NUP155: variants seen among roughly 807,000 people sequenced by gnomAD.
The protein encoded by NUP155 is nucleoporin 155, also known as nuclear pore complex protein Nup155.
Under a neutral mutation model 180.4 loss-of-function variants are expected in NUP155, and 71 were observed. The ratio of observed to expected loss-of-function variants is 0.39; its 90% CI spans 0.33 to 0.48. The LOEUF is 0.48. Among genes scored for constraint, NUP155 ranks in the 20% least tolerant of loss-of-function variants. The pLI, the probability that NUP155 is intolerant of heterozygous loss-of-function variation, is 0.91. For missense variants in NUP155, 1,553 were observed against 1,648.9 expected (o/e 0.94, Z 1.01); for synonymous variants, 582 against 559.5 (o/e 1.04, Z -0.57).
intron 24 of NUP155, among the ~76,000 whole-genome samples, chr5:37,308,899 A>G (rs929068610): frequency 7.2e-6 from 1 of 139,652 alleles, no homozygotes; most frequent in South Asian, 2.2e-4. Context: ...AAAAAAAAAA[A>G]AAGTACATTT....
chr5:37,307,954 T>A (rs201302207), intron 24 of NUP155, among the ~76,000 whole-genome samples: 66 of 83,960 alleles, frequency 7.9e-4, no homozygotes, highest in East Asian at 1.6e-3. Context: ...AAAAAAAAAA[T>A]ATATATATAT....
At chr5:37,324,958 T>G (rs1447156778) in intron 19 of NUP155, among the ~76,000 whole-genome samples, 2 of 152,170 alleles carry the variant, frequency 1.3e-5, no homozygotes, top group African/African-American at 4.8e-5. Context: ...GAGACCAGCC[T>G]GGCTAACATA....
chr5:37,309,202 C>T lies in NUP155; in HGVS notation c.2694G>A (p.Arg898=). The part of the protein sequence containing the change: ...QNKTEKERML[R]ESLKEYQKIS... ...TTTTTTGATATTCCTTTAATGATTCCCTTAACATTCTTTCTTTTTCAGTCT... is the reference window on the plus strand; with the variant it reads ...TTTTTTGATATTCCTTTAATGATTCTCTTAACATTCTTTCTTTTTCAGTCT... Residue 898 remains arginine (R), a synonymous_variant, in exon 24 of 35, where the codon AGG becomes AGA. Coordinates refer to ENST00000231498, the MANE Select transcript of NUP155 (RefSeq NM_153485.3). 1 of 1,613,434 alleles carries T rather than the reference C, an allele frequency of 6.2e-7. No homozygotes were observed. The highest frequency in any genetic ancestry group is 8.5e-7 in the Non-Finnish European group (1 of 1,179,654).
At chr5:37,360,252 G>A (rs1301073690) in intron 3 of NUP155, among the ~76,000 whole-genome samples, 1 of 152,214 alleles carries the variant, frequency 6.6e-6, no homozygotes, top group Non-Finnish European at 1.5e-5. Context: ...GGGAGGCTGA[G>A]GCGGGTGGAT....
chr5:37,310,511 C>T (rs112164171), intron 23 of NUP155, 41 bp downstream of exon 23: 5 of 1,516,654 alleles, frequency 3.3e-6, no homozygotes, highest in African/African-American at 1.4e-5. Context: ...TACATGATAC[C>T]TCTTATAACA....
rs1742204923 is a variant in NUP155 at position 37,290,887 on chromosome 5, G to A, written c.*1013C>T. 1 of 152,104 alleles carries A rather than the reference G, an allele frequency of 6.6e-6. No individual in the cohort carries two copies. The highest frequency in any genetic ancestry group is 1.5e-5 in the Non-Finnish European group (1 of 68,016). The allele number at this position is 152,104 out of a possible 1,614,324, so 9.4% of individuals were successfully genotyped here. On this transcript the variant is annotated 3_prime_UTR_variant, in exon 35 of 35. Coordinates refer to ENST00000231498, the MANE Select transcript of NUP155 (RefSeq NM_153485.3). Reference sequence around the variant, plus strand: ...TTGCATTTCTAACAAATTCCTAGGTGATGCTGATGCTGATGCTGATGCTTC... The same window carrying A: ...TTGCATTTCTAACAAATTCCTAGGTAATGCTGATGCTGATGCTGATGCTTC...
intron 1 of NUP155, among the ~76,000 whole-genome samples, chr5:37,367,504 C>T (rs914490385): frequency 1.3e-5 from 2 of 151,342 alleles, no homozygotes; most frequent in Non-Finnish European, 2.9e-5. Context: ...AGTAAACCAC[C>T]GAGCCCAGCC....
intron 9 of NUP155, among the ~76,000 whole-genome samples, chr5:37,346,936 A>T (rs1746130147): frequency 6.6e-6 from 1 of 152,078 alleles, no homozygotes; most frequent in Non-Finnish European, 1.5e-5. Context: ...CTGTTAAAAG[A>T]GTGAGTAGTG....
chr5:37,328,243 A>T (rs1245719804), intron 17 of NUP155, 115 bp downstream of exon 17: 8 of 840,020 alleles, frequency 9.5e-6, no homozygotes, highest in Non-Finnish European at 1.5e-5. Flanking sequence ...TTCTAAAATT[A>T]TATTTATTTT....
At chr5:37,344,511 G>T (rs760183486) in intron 9 of NUP155, among the ~76,000 whole-genome samples, 4 of 148,364 alleles carry the variant, frequency 2.7e-5, no homozygotes, top group Non-Finnish European at 5.9e-5. Context: ...AAAAAAAAAG[G>T]TGGCCAGGGG....
intron 1 of NUP155, among the ~76,000 whole-genome samples, chr5:37,367,833 G>A (rs1288181098): frequency 6.6e-6 from 1 of 152,028 alleles, no homozygotes; most frequent in Non-Finnish European, 1.5e-5. Flanking sequence ...GCCCTGGCTG[G>A]AGTACAGTGG....
At chr5:37,293,093 TAA>T in intron 33 of NUP155, 108 bp from the exon 34 acceptor site, 2 of 749,914 alleles carry the variant, frequency 2.7e-6, no homozygotes, top group Non-Finnish European at 4.7e-6. Flanking sequence ...TTATCGCTAT[TAA>T]AAAGCATTTA....
At chr5:37,330,973 C>A (rs1744921203) in intron 14 of NUP155, among the ~76,000 whole-genome samples, 1 of 151,412 alleles carries the variant, frequency 6.6e-6, no homozygotes, top group Admixed American at 6.6e-5. Context: ...CATGATGAAA[C>A]CCCATCTCTA....
At position 37,291,709 on chromosome 5, in the gene NUP155, A is replaced by T; in HGVS notation, c.*191T>A. The T allele has an allele frequency of 2.1e-6, 1 of 484,284 alleles. No homozygotes were observed. The highest frequency in any genetic ancestry group is 5.8e-4 in the Middle Eastern group (1 of 1,724). The allele number at this position is 484,284 out of a possible 1,614,324, so 30.0% of individuals were successfully genotyped here. ...ATTTCAGTTGTTTTTTCACCCAATT[A>T]CTAAAAAACAAAATAGTCATAAAAA... On this transcript the variant is annotated 3_prime_UTR_variant, in exon 35 of 35. Transcript: ENST00000231498.
At chr5:37,327,811 C>A in intron 17 of NUP155, 35 bp from the exon 18 acceptor site, 1 of 1,608,138 alleles carries the variant, frequency 6.2e-7, no homozygotes, top group Non-Finnish European at 8.5e-7. Flanking sequence ...ATCTCTTAAT[C>A]TTAATCTTAG....
chr5:37,315,349 A>T (rs1743815655), intron 21 of NUP155, among the ~76,000 whole-genome samples: 1 of 152,252 alleles, frequency 6.6e-6, no homozygotes, highest in Non-Finnish European at 1.5e-5. Flanking sequence ...GCAATAACTT[A>T]TTATTGTTCT....
Position 37,307,419 on chromosome 5 carries a change from C to T in NUP155, c.2781G>A (p.Glu927=), listed in dbSNP as rs144463569. The change falls in exon 25 of 35, where the codon GAG becomes GAA. Residue 927 remains glutamate (E), a synonymous_variant. Coordinates refer to ENST00000231498, the MANE Select transcript of NUP155 (RefSeq NM_153485.3). ...CCGTAAGAGAAAGTTCCACCACACC[C>T]TCATAAAATCTCACTGATGGGAAAG... is the stretch of plus-strand genomic sequence containing the variant. ...CAQYRQVRFY[E]GVVELSLTAA... 7 of 1,613,806 alleles carry T rather than the reference C, an allele frequency of 4.3e-6. No homozygotes were observed. In the African/African-American group the frequency reaches 6.7e-5, roughly 15 times the overall value.
At chr5:37,344,013 G>A (rs897502904) in intron 9 of NUP155, among the ~76,000 whole-genome samples, 5 of 152,110 alleles carry the variant, frequency 3.3e-5, no homozygotes, top group Non-Finnish European at 7.4e-5. Flanking sequence ...AATGTAGTAA[G>A]ACATTTCACA....
At chr5:37,345,642 T>C (rs1379478401) in intron 9 of NUP155, among the ~76,000 whole-genome samples, 2 of 151,956 alleles carry the variant, frequency 1.3e-5, no homozygotes, top group African/African-American at 2.4e-5. Context: ...CAGTGGCTCA[T>C]GCCTGTAATC....
Sources: gnomAD v4.1 joint callset for allele counts (sites outside exome capture counted in the v4.1 genomes callset) on GRCh38, gnomAD v4.1.1 for gene constraint, MANE v1.5 for transcripts, NCBI Gene and HGNC (gene_info 2026-07-23, HGNC 2026-07-21) for gene names.